Variants in MDGA2 observed in about 807,000 individuals in gnomAD.
MDGA2 encodes the protein MAM domain containing glycosylphosphatidylinositol anchor 2, also known as MAM domain-containing glycosylphosphatidylinositol anchor protein 2.
MDGA2 carries 40 observed loss-of-function variants against 117.8 expected under a neutral mutation model. That is an observed-to-expected ratio of 0.34 (90% CI 0.26 to 0.44). MDGA2 has a LOEUF of 0.44. Ranked by LOEUF, MDGA2 falls within the 20% of genes least tolerant of loss-of-function variation. The probability of loss-of-function intolerance (pLI) is 1.00; values close to 1 mark genes in which losing one functional copy is unlikely to be tolerated. For missense variants in MDGA2, 1,123 were observed against 1,250.6 expected (o/e 0.90, Z 1.54); for synonymous variants, 452 against 439.0 (o/e 1.03, Z -0.37).
intron 9 of MDGA2, among the ~76,000 whole-genome samples, chr14:46,943,756 T>G (rs1198348057): frequency 1.3e-5 from 2 of 152,098 alleles, no homozygotes; most frequent in East Asian, 3.9e-4. Context: ...AATGTTGTTA[T>G]TTTTTCTTCA....
intron 8 of MDGA2, among the ~76,000 whole-genome samples, chr14:46,980,496 A>G (rs896332059): frequency 6.6e-6 from 1 of 152,218 alleles, no homozygotes; most frequent in African/African-American, 2.4e-5. Context: ...GTTCATTGAT[A>G]AAGCAGTGGC....
At chr14:47,163,937 C>T (rs1169567650) in intron 3 of MDGA2, among the ~76,000 whole-genome samples, 2 of 152,190 alleles carry the variant, frequency 1.3e-5, no homozygotes, top group African/African-American at 4.8e-5. Flanking sequence ...AAAGAGGCAG[C>T]CATGTCCTCA....
intron 8 of MDGA2, among the ~76,000 whole-genome samples, chr14:47,010,249 T>C (rs1887851770): frequency 1.3e-5 from 2 of 152,026 alleles, no homozygotes; most frequent in South Asian, 2.1e-4. Context: ...GGCATGCAAA[T>C]AGTCAATAGA....
intron 1 of MDGA2, among the ~76,000 whole-genome samples, chr14:47,510,023 T>G (rs1894605575): frequency 6.6e-6 from 1 of 152,164 alleles, no homozygotes; most frequent in Non-Finnish European, 1.5e-5. Context: ...TGTAATGCTA[T>G]AGTCTGATAT....
chr14:47,139,813 TAC>T (rs1555357229), intron 4 of MDGA2, among the ~76,000 whole-genome samples: 1 of 142,762 alleles, frequency 7.0e-6, no homozygotes, highest in Non-Finnish European at 1.5e-5. Context: ...TGTATATATA[TAC>T]ACACATATAT....
chr14:47,106,811 C>A (rs1379055300), intron 5 of MDGA2, among the ~76,000 whole-genome samples: 13 of 143,658 alleles, frequency 9.0e-5, no homozygotes, highest in African/African-American at 3.4e-4. Flanking sequence ...GTTTCCCTTG[C>A]TTCCATAACT....
Position 46,975,175 on chromosome 14 carries a change from C to T in MDGA2, c.1820-17532G>A, listed in dbSNP as rs530029643. ...TTAATATCCATTAGAAGAGCTACTACTTTTTAAAAAAAGAAAATAACAAAT... is the reference window on the plus strand; with the variant it reads ...TTAATATCCATTAGAAGAGCTACTATTTTTTAAAAAAAGAAAATAACAAAT... On this transcript the variant is annotated intron_variant, in intron 8 of 16. Transcript: ENST00000399232. Among the ~76,000 whole-genome samples, 42 of 152,020 alleles carry T rather than the reference C, an allele frequency of 2.8e-4. 1 individual carries two copies. Among genetic ancestry groups the T allele is most frequent in the African/African-American group, 9.6e-4 (40 of 41,492 alleles).
intron 1 of MDGA2, among the ~76,000 whole-genome samples, chr14:47,440,840 C>T (rs1265162819): frequency 1.3e-5 from 2 of 151,950 alleles, no homozygotes; most frequent in African/African-American, 4.8e-5. Context: ...GGTATCATTA[C>T]GTAAAAAAAA....
At chr14:47,588,261 T>TATATATAC (rs1178110400) in intron 1 of MDGA2, among the ~76,000 whole-genome samples, 1 of 103,798 alleles carries the variant, frequency 9.6e-6, no homozygotes, top group African/African-American at 3.4e-5. Context: ...TATATATATA[T>TATATATAC]ACACACACAC....
rs560353560 is a variant in MDGA2, at chr14:47,460,522, T to C, written c.281-158972A>G. Among the ~76,000 whole-genome samples, 25 of 151,900 alleles carry C rather than the reference T, an allele frequency of 1.6e-4. No individual in the cohort carries two copies. In the South Asian group the frequency reaches 5.2e-3, roughly 32 times the overall value. On this transcript the variant is annotated intron_variant, in intron 1 of 16. Transcript: ENST00000399232. ...GAGAAGAGAGGGGAAAGAATTACTA[T>C]AAAAAAGGGAAAAAGATATATAAAT...
chr14:47,597,867 C>T (rs1017320482), intron 1 of MDGA2, among the ~76,000 whole-genome samples: 2 of 151,132 alleles, frequency 1.3e-5, no homozygotes, highest in African/African-American at 4.9e-5. Context: ...CACACACACA[C>T]ACACACACAC....
chr14:47,183,733 T>C (rs1335870109), intron 3 of MDGA2, among the ~76,000 whole-genome samples: 2 of 151,978 alleles, frequency 1.3e-5, no homozygotes, highest in African/African-American at 2.4e-5. Flanking sequence ...AAATTCGAGA[T>C]TGTTATTATT....
intron 3 of MDGA2, among the ~76,000 whole-genome samples, chr14:47,174,834 C>G (rs1884361034): frequency 1.3e-5 from 2 of 151,880 alleles, no homozygotes; most frequent in Admixed American, 1.3e-4. Flanking sequence ...CACAAAAAAC[C>G]CTTCAAAAAA....
intron 4 of MDGA2, among the ~76,000 whole-genome samples, chr14:47,139,402 G>A (rs112566787): frequency 3.9e-5 from 6 of 151,998 alleles, no homozygotes; most frequent in South Asian, 2.1e-4. Flanking sequence ...TTTAGACAAC[G>A]ATTTTTATTT....
chr14:47,349,296 C>T (rs1302854482), intron 1 of MDGA2, among the ~76,000 whole-genome samples: 1 of 152,172 alleles, frequency 6.6e-6, no homozygotes, highest in Non-Finnish European at 1.5e-5. Flanking sequence ...AATGTTTAAC[C>T]TGGGCTGAGT....
At chr14:47,125,749 A>C (rs1348861981) in intron 5 of MDGA2, among the ~76,000 whole-genome samples, 2 of 152,162 alleles carry the variant, frequency 1.3e-5, no homozygotes, top group African/African-American at 4.8e-5. Context: ...TATAAATGCT[A>C]AGGTAGAGCA....
intron 5 of MDGA2, among the ~76,000 whole-genome samples, chr14:47,097,787 G>C (rs372234163): frequency 6.6e-6 from 1 of 151,930 alleles, no homozygotes; most frequent in East Asian, 1.9e-4. Context: ...ACATTCAAGA[G>C]CTCAAACAGC....
intron 8 of MDGA2, among the ~76,000 whole-genome samples, chr14:46,961,101 C>A (rs1431808762): frequency 6.6e-6 from 1 of 151,906 alleles, no homozygotes; most frequent in African/African-American, 2.4e-5. Context: ...CACACTTTGA[C>A]GTGAATGTCT....
chr14:47,030,529 A>T (rs1463769711), intron 8 of MDGA2, among the ~76,000 whole-genome samples: 1 of 152,064 alleles, frequency 6.6e-6, no homozygotes, highest in East Asian at 1.9e-4. Context: ...AAAAAAAGAG[A>T]AAAAAGAAAG....
Sources: allele counts gnomAD v4.1 joint callset (sites outside exome capture counted in the v4.1 genomes callset), GRCh38; gene constraint gnomAD v4.1.1; transcripts MANE v1.5; gene names NCBI Gene and HGNC (gene_info 2026-07-23, HGNC 2026-07-21).